The following SYNPO2 variants were observed in gnomAD, a reference collection of about 807,000 sequenced individuals.
SYNPO2 encodes the protein synaptopodin-2.
In SYNPO2, 56 loss-of-function variants were observed where a neutral mutation model predicts 85.0. The ratio of observed to expected loss-of-function variants is 0.66; its 90% CI spans 0.53 to 0.82. The LOEUF is 0.82. Among genes scored for constraint, SYNPO2 ranks in the 40% least tolerant of loss-of-function variants. The pLI is 0.00. For missense variants in SYNPO2, 1,575 were observed against 1,534.2 expected, an observed-to-expected ratio of 1.03 and a Z score of -0.44; for synonymous variants, 602 against 591.1, an observed-to-expected ratio of 1.02 and a Z score of -0.27.
At chr4:119,038,320 T>C in intron 4 of SYNPO2, 2 of 985,266 alleles carry the variant, frequency 2.0e-6, no homozygotes, top group Non-Finnish European at 2.4e-6. Context: ...CTATGACGCA[T>C]GTTGAAAGTG....
chr4:118,862,462 C>G (rs1345278217), intron 1 of SYNPO2, among the ~76,000 whole-genome samples: 1 of 152,158 alleles, frequency 6.6e-6, no homozygotes, highest in Non-Finnish European at 1.5e-5. Context: ...AGCTATGGAT[C>G]TATCATACAT....
At chr4:118,921,693 T>A (rs1275734898) in intron 1 of SYNPO2, among the ~76,000 whole-genome samples, 3 of 152,174 alleles carry the variant, frequency 2.0e-5, no homozygotes, top group African/African-American at 7.2e-5. Context: ...TAATTATGTC[T>A]TGTCTAATTC....
At chr4:118,995,760 C>T (rs1375137365) in intron 1 of SYNPO2, among the ~76,000 whole-genome samples, 1 of 152,132 alleles carries the variant, frequency 6.6e-6, no homozygotes, top group Non-Finnish European at 1.5e-5. Context: ...GAACATGTGG[C>T]TTACATTTGA....
rs34589820 is a variant in SYNPO2 at position 119,038,897 on chromosome 4, GTTT to G, written c.3252+6880_3252+6882del. 2.0e-5 allele frequency among the ~76,000 whole-genome samples: 3 copies of G among 148,332 alleles called. No individual in the cohort carries two copies. The East Asian group carries it at 5.9e-4, about 29-fold the overall frequency. On this transcript the variant is annotated intron_variant, in intron 4 of 4. Coordinates refer to ENST00000307142, the MANE Select transcript of SYNPO2 (RefSeq NM_133477.3). ...TTTAAACCTTACATTTTTTCCAGTG[GTTT>G]TTTTTTTTTCCTTTTATATATCATT... is the stretch of plus-strand genomic sequence containing the variant.
At position 118,861,945 on chromosome 4, in the gene SYNPO2, T is replaced by A. The variant is rs1419636635; in HGVS notation, c.12+11005T>A. On this transcript the variant is annotated intron_variant, in intron 1 of 4. Coordinates refer to the SYNPO2 transcript ENST00000610556. ...ATTGCTTCAGGTAGTATGGACATTT[T>A]AACAATATTGATTCTTCCAATCCAT... 3.3e-5 allele frequency among the ~76,000 whole-genome samples: 5 copies of A among 152,364 alleles called. No homozygotes were observed. In the South Asian group the frequency reaches 1.0e-3, roughly 32 times the overall value.
At chr4:119,035,904 G>T in intron 4 of SYNPO2, 1 of 985,186 alleles carries the variant, frequency 1.0e-6, no homozygotes, top group Non-Finnish European at 1.2e-6. Flanking sequence ...CAGTTACAAG[G>T]TTAAAGAACT....
chr4:118,890,731 C>CTG (rs1459421038), intron 1 of SYNPO2, among the ~76,000 whole-genome samples: 20 of 126,064 alleles, frequency 1.6e-4, no homozygotes, highest in South Asian at 7.7e-4. Flanking sequence ...CTCTCTCTCT[C>CTG]TCTGTGTGTG....
intron 1 of SYNPO2, among the ~76,000 whole-genome samples, chr4:118,889,793 G>A (rs564090625): frequency 1.3e-5 from 2 of 152,104 alleles, no homozygotes; most frequent in Non-Finnish European, 2.9e-5. Flanking sequence ...TATATTATGA[G>A]TAACTAAGAG....
chr4:118,972,739 A>T (rs1456089917), intron 1 of SYNPO2, among the ~76,000 whole-genome samples: 1 of 152,172 alleles, frequency 6.6e-6, no homozygotes, highest in Non-Finnish European at 1.5e-5. Context: ...TTTAAGTTAT[A>T]CATCTCTAAG....
At chr4:118,905,984 C>T (rs1732923002) in intron 1 of SYNPO2, among the ~76,000 whole-genome samples, 1 of 152,170 alleles carries the variant, frequency 6.6e-6, no homozygotes, top group African/African-American at 2.4e-5. Flanking sequence ...TCACCCTGCT[C>T]TTTGAAAGTA....
At chr4:118,896,244 A>G (rs1393408248) in intron 1 of SYNPO2, among the ~76,000 whole-genome samples, 2 of 152,182 alleles carry the variant, frequency 1.3e-5, no homozygotes, top group Non-Finnish European at 2.9e-5. Flanking sequence ...AACATTGATA[A>G]CAAACTATTC....
At chr4:119,017,322 C>G (rs1030544702) in intron 1 of SYNPO2, among the ~76,000 whole-genome samples, 2 of 152,148 alleles carry the variant, frequency 1.3e-5, no homozygotes, top group East Asian at 3.9e-4. Flanking sequence ...ATCTTAGCTA[C>G]TATCATCTTG....
chr4:118,932,202 T>A (rs1438368237), intron 1 of SYNPO2, among the ~76,000 whole-genome samples: 1 of 152,150 alleles, frequency 6.6e-6, no homozygotes, highest in Non-Finnish European at 1.5e-5. Flanking sequence ...ACTTTGAGGA[T>A]CCCAGGATGT....
intron 1 of SYNPO2, among the ~76,000 whole-genome samples, chr4:118,941,200 G>A (rs1166151691): frequency 6.6e-6 from 1 of 152,104 alleles, no homozygotes; most frequent in African/African-American, 2.4e-5. Context: ...AGGTTTTTGA[G>A]CCAGAAACCT....
At chr4:118,887,262 C>G (rs1732218288), upstream of SYNPO2, among the ~76,000 whole-genome samples, 1 of 151,612 alleles carries the variant, frequency 6.6e-6, no homozygotes, top group African/African-American at 2.4e-5. Context: ...GCGCCCTAAG[C>G]TGCAGGGAGA....
chr4:118,941,656 C>A (rs1273089522), intron 1 of SYNPO2, among the ~76,000 whole-genome samples: 1 of 152,166 alleles, frequency 6.6e-6, no homozygotes, highest in Non-Finnish European at 1.5e-5. Context: ...ATAGGGTCCC[C>A]TTTCTGTCTG....
At chr4:118,874,507 T>A (rs1320685816) in intron 1 of SYNPO2, among the ~76,000 whole-genome samples, 3 of 152,198 alleles carry the variant, frequency 2.0e-5, no homozygotes, top group African/African-American at 7.2e-5. Flanking sequence ...GTGGACACCA[T>A]GTGATACAAC....
At chr4:119,034,279 G>T in intron 4 of SYNPO2, 2 of 985,376 alleles carry the variant, frequency 2.0e-6, no homozygotes, top group Non-Finnish European at 2.4e-6. Context: ...TTAGAGGAAA[G>T]ACATGGAACA....
chr4:118,985,588 G>C (rs761315909), intron 1 of SYNPO2, among the ~76,000 whole-genome samples: 10 of 152,228 alleles, frequency 6.6e-5, no homozygotes, highest in Non-Finnish European at 1.5e-4. Context: ...CATATTAATA[G>C]AGTTAATGTC....
Sources: allele counts gnomAD v4.1 joint callset (sites outside exome capture counted in the v4.1 genomes callset), GRCh38; gene constraint gnomAD v4.1.1; transcripts MANE v1.5; gene names NCBI Gene and HGNC (gene_info 2026-07-23, HGNC 2026-07-21).